Variants in ACAD11 observed in about 807,000 individuals in gnomAD.
The protein encoded by ACAD11 is acyl-CoA dehydrogenase family member 11.
A neutral mutation model predicts 102.2 loss-of-function variants in ACAD11; 83 were observed. The observed-to-expected ratio is 0.81, with a 90% CI of 0.68 to 0.97. ACAD11 has a LOEUF of 0.97. Ranked by LOEUF, ACAD11 falls within the 50% of genes least tolerant of loss-of-function variation. The pLI is 0.00. For missense variants in ACAD11, 901 were observed against 951.7 expected (o/e 0.95, Z 0.70); for synonymous variants, 324 against 319.8 (o/e 1.01, Z -0.14).
At chr3:132,618,514 A>G in intron 11 of ACAD11, 120 bp downstream of exon 11, 1 of 957,516 alleles carries the variant, frequency 1.0e-6, no homozygotes, top group Non-Finnish European at 1.4e-6. Flanking sequence ...TGAAAAGTAA[A>G]ATTATAGCTA....
At chr3:132,570,408 C>T (rs981267741) in intron 17 of ACAD11, among the ~76,000 whole-genome samples, 11 of 152,196 alleles carry the variant, frequency 7.2e-5, no homozygotes, top group Admixed American at 3.9e-4. Flanking sequence ...CAGACAATTA[C>T]GGTGCTTTGA....
At chr3:132,605,614 A>G (rs1938805850) in intron 11 of ACAD11, among the ~76,000 whole-genome samples, 1 of 152,142 alleles carries the variant, frequency 6.6e-6, no homozygotes, top group East Asian at 1.9e-4. Flanking sequence ...CCAGCCCTTA[A>G]TTTTATCTGC....
At chr3:132,567,621 A>G (rs1937252805) in intron 17 of ACAD11, among the ~76,000 whole-genome samples, 1 of 152,254 alleles carries the variant, frequency 6.6e-6, no homozygotes, top group African/African-American at 2.4e-5. Context: ...GCCCTAACAT[A>G]TCAGTTATTA....
chr3:132,640,753 G>C (rs1940462546), intron 4 of ACAD11, among the ~76,000 whole-genome samples: 2 of 152,036 alleles, frequency 1.3e-5, no homozygotes, highest in African/African-American at 4.8e-5. Flanking sequence ...TTGTTGTAAA[G>C]ATCAAAAAAG....
intron 1 of ACAD11, chr3:132,649,946 G>A (rs565747770): frequency 6.6e-6 from 1 of 152,332 alleles, no homozygotes; most frequent in African/African-American, 2.4e-5. Context: ...CATCTCAAAT[G>A]TGTTTGCTGT....
intron 13 of ACAD11, among the ~76,000 whole-genome samples, chr3:132,586,229 A>T (rs1273652347): frequency 6.6e-6 from 1 of 152,188 alleles, no homozygotes; most frequent in Non-Finnish European, 1.5e-5. Context: ...TTTTCAGCAA[A>T]CTATCGCAAG....
At chr3:132,575,177 A>G (rs527498392) in intron 17 of ACAD11, among the ~76,000 whole-genome samples, 1 of 152,218 alleles carries the variant, frequency 6.6e-6, no homozygotes, top group Admixed American at 6.5e-5. Flanking sequence ...TATGGGCCAC[A>G]TGTAACTATG....
Position 132,593,100 on chromosome 3 carries a change from G to C in ACAD11, c.1621+10129C>G, listed in dbSNP as rs908372976. The stretch of plus-strand genomic sequence containing the variant: ...TAATATAATATTTATTAAATCTCTG[G>C]GTGAGAAAGGATTTTAAAACTTAAA... On this transcript the variant is annotated intron_variant, in intron 13 of 19. Coordinates refer to ENST00000264990, the MANE Select transcript of ACAD11 (RefSeq NM_032169.5). Among the ~76,000 whole-genome samples, 9 of 151,460 alleles carry C rather than the reference G, an allele frequency of 5.9e-5. No homozygotes were observed. In the East Asian group the frequency reaches 1.7e-3, roughly 29 times the overall value.
In ACAD11 at chr3:132,581,321, T is replaced by A. The variant is rs577114829; in HGVS notation, c.1622-1763A>T. 2.0e-5 allele frequency among the ~76,000 whole-genome samples: 3 copies of A among 152,126 alleles called. No individual in the cohort carries two copies. In the South Asian group the frequency reaches 6.2e-4, roughly 31 times the overall value. ...CAGATATGTAAGATCTCAGAGAATT[T>A]AACTATTATGTACTTTTTCTCAAAA... On this transcript the variant is annotated intron_variant, in intron 13 of 19. Coordinates refer to ENST00000264990, the MANE Select transcript of ACAD11 (RefSeq NM_032169.5).
At chr3:132,561,534 C>T (rs1937057016) in intron 17 of ACAD11, among the ~76,000 whole-genome samples, 1 of 152,146 alleles carries the variant, frequency 6.6e-6, no homozygotes, top group South Asian at 2.1e-4. Context: ...TACCGCCAAA[C>T]CACTCAAAGG....
At chr3:132,592,533 C>A (rs967612875) in intron 13 of ACAD11, among the ~76,000 whole-genome samples, 4 of 152,030 alleles carry the variant, frequency 2.6e-5, no homozygotes, top group Admixed American at 1.3e-4. Flanking sequence ...TAGGCTTTTA[C>A]CCACAAAATC....
chr3:132,602,896 G>A (rs888159184), intron 13 of ACAD11, among the ~76,000 whole-genome samples: 4 of 152,074 alleles, frequency 2.6e-5, no homozygotes, highest in Non-Finnish European at 4.4e-5. Flanking sequence ...TCCGCCACCC[G>A]GGGTCAAGCA....
At chr3:132,655,934 TAA>T (rs1307405838) in intron 1 of ACAD11, among the ~76,000 whole-genome samples, 2 of 152,220 alleles carry the variant, frequency 1.3e-5, no homozygotes, top group African/African-American at 2.4e-5. Flanking sequence ...ATCTTGCAGA[TAA>T]AAAGAGTATT....
At chr3:132,635,136 A>T (rs1248614994) in intron 5 of ACAD11, among the ~76,000 whole-genome samples, 15 of 152,094 alleles carry the variant, frequency 9.9e-5, no homozygotes, top group Non-Finnish European at 1.5e-5. Flanking sequence ...CTCAAAGTTG[A>T]AAAGGTATTG....
At chr3:132,655,882 A>T (rs148623089) in intron 1 of ACAD11, among the ~76,000 whole-genome samples, 2 of 152,240 alleles carry the variant, frequency 1.3e-5, no homozygotes, top group African/African-American at 2.4e-5. Context: ...TAAATATTTT[A>T]TCTTTCCAAT....
intron 13 of ACAD11, among the ~76,000 whole-genome samples, chr3:132,586,114 G>A (rs1411442357): frequency 5.9e-5 from 9 of 152,224 alleles, no homozygotes; most frequent in African/African-American, 2.2e-4. Context: ...ATGATAGACT[G>A]GATTAAGAAA....
intron 11 of ACAD11, among the ~76,000 whole-genome samples, chr3:132,610,269 A>T (rs1038436255): frequency 1.3e-5 from 2 of 152,144 alleles, no homozygotes; most frequent in African/African-American, 2.4e-5. Context: ...CCACAAGAGA[A>T]AGCAGGAAAG....
chr3:132,647,827 G>T (rs1576621838), intron 1 of ACAD11, among the ~76,000 whole-genome samples: 1 of 152,082 alleles, frequency 6.6e-6, no homozygotes, highest in African/African-American at 2.4e-5. Flanking sequence ...CATTTTTGGG[G>T]CCTGGGAAGT....
chr3:132,644,821 A>T lies in ACAD11; in HGVS notation c.225T>A (p.Gly75=). ...QTYVLRKKPP[G]SLLPKAHQID... ...CCTGATGTGCTTTAGGAAGAAGTGA[A>T]CCTGGTGGTTTTTTCCTGAGCACAT... The change falls in exon 2 of 20, where the codon GGT becomes GGA. Residue 75 remains glycine, a synonymous_variant. Coordinates refer to ENST00000264990, the MANE Select transcript of ACAD11 (RefSeq NM_032169.5). 1 of 1,611,776 alleles carries T rather than the reference A, an allele frequency of 6.2e-7. No homozygotes were observed. Among genetic ancestry groups the T allele is most frequent in the Non-Finnish European group, 8.5e-7 (1 of 1,178,856 alleles).
Sources: allele counts gnomAD v4.1 joint callset (sites outside exome capture counted in the v4.1 genomes callset), GRCh38; gene constraint gnomAD v4.1.1; transcripts MANE v1.5; gene names NCBI Gene and HGNC (gene_info 2026-07-23, HGNC 2026-07-21).